Variants in CD9 observed in about 807,000 individuals in gnomAD.
The protein encoded by CD9 is CD9 molecule, also known as CD9 antigen.
CD9 carries 10 observed loss-of-function variants against 31.4 expected under a neutral mutation model. The observed-to-expected ratio is 0.32, with a 90% confidence interval of 0.20 to 0.54. The LOEUF is 0.54. Among genes scored for constraint, CD9 ranks in the 20% least tolerant of loss-of-function variants. The pLI, the probability that CD9 is intolerant of heterozygous loss-of-function variation, is 0.94. For synonymous variants in CD9, 113 were observed against 114.1 expected, an observed-to-expected ratio of 0.99 and a Z score of 0.06; for missense variants, 259 against 300.1, an observed-to-expected ratio of 0.86 and a Z score of 1.01.
chr12:6,210,933 T>G (rs1325106298), intron 1 of CD9, among the ~76,000 whole-genome samples: 1 of 149,752 alleles, frequency 6.7e-6, no homozygotes, highest in Non-Finnish European at 1.5e-5. Context: ...GCCTCCTGGG[T>G]TCAAGCGATT....
chr12:6,237,667 A>G (rs756690162), intron 7 of CD9, 96 bp from the exon 8 acceptor site: 2 of 880,058 alleles, frequency 2.3e-6, no homozygotes, highest in Admixed American at 2.1e-5. Context: ...TCTCCTTGTC[A>G]TTTTTCTTGG....
intron 1 of CD9, among the ~76,000 whole-genome samples, chr12:6,210,629 C>T (rs951066799): frequency 4.6e-5 from 7 of 151,936 alleles, no homozygotes; most frequent in South Asian, 2.1e-4. Flanking sequence ...CTTTAAAGAT[C>T]GAAAACACCA....
chr12:6,225,375 G>C (rs760124693), intron 1 of CD9, 51 bp from the exon 2 acceptor site: 24 of 1,231,736 alleles, frequency 1.9e-5, no homozygotes, highest in Non-Finnish European at 2.8e-5. Context: ...CGTGGGGACT[G>C]TGTTGTTGCT....
At chr12:6,228,669 T>A (rs1016385659) in intron 2 of CD9, among the ~76,000 whole-genome samples, 1 of 151,976 alleles carries the variant, frequency 6.6e-6, no homozygotes, top group African/African-American at 2.4e-5. Context: ...TTGTCGTCCA[T>A]GGGCAAAGGG....
At chr12:6,215,115 A>AATGCCCCACTCTCC (rs1946231711) in intron 1 of CD9, among the ~76,000 whole-genome samples, 1 of 152,064 alleles carries the variant, frequency 6.6e-6, no homozygotes, top group African/African-American at 2.4e-5. Flanking sequence ...TGAGCCCCCA[A>AATGCCCCACTCTCC]ATGCCCCACT....
intron 1 of CD9, among the ~76,000 whole-genome samples, chr12:6,213,330 C>T (rs958528196): frequency 1.3e-5 from 2 of 152,232 alleles, no homozygotes; most frequent in African/African-American, 4.8e-5. Flanking sequence ...TTCTCCCTCT[C>T]GAACACGAAT....
intron 1 of CD9, among the ~76,000 whole-genome samples, chr12:6,203,706 C>CA (rs547806224): frequency 5.4e-4 from 82 of 152,094 alleles, no homozygotes; most frequent in Non-Finnish European, 1.0e-3. Flanking sequence ...GCCCACCCCC[C>CA]AAAAAACAGT....
chr12:6,235,542 G>GTACTC lies in CD9; in HGVS notation c.515_519dup (p.Glu174TyrfsTer7). The GTACTC allele has an allele frequency of 6.2e-7, 1 of 1,613,414 alleles. No homozygotes were observed. Among genetic ancestry groups the GTACTC allele is most frequent in the Non-Finnish European group, 8.5e-7 (1 of 1,179,442 alleles). On this transcript the variant is annotated frameshift_variant, in exon 6 of 8. Coordinates refer to ENST00000009180, the MANE Select transcript of CD9 (RefSeq NM_001769.4). LOFTEE classifies it high-confidence loss of function. Reference sequence around the variant, plus strand: ...CTCAGACATCTGCCCCAAGAAGGACGTACTCGAAACCTTCACCGTGAAGGT... The same window carrying GTACTC: ...CTCAGACATCTGCCCCAAGAAGGACGTACTCTACTCGAAACCTTCACCGTGAAGGT...
intron 1 of CD9, among the ~76,000 whole-genome samples, chr12:6,208,176 A>G (rs1169491971): frequency 6.6e-6 from 1 of 151,560 alleles, no homozygotes; most frequent in Non-Finnish European, 1.5e-5. Flanking sequence ...GTGAGCTGAA[A>G]TCGTGCCATT....
At chr12:6,225,567 C>G in intron 2 of CD9, 33 bp downstream of exon 2, 1 of 1,386,520 alleles carries the variant, frequency 7.2e-7, no homozygotes, top group African/African-American at 1.4e-5. Flanking sequence ...TGAATTCAGA[C>G]CCTGGCTCCA....
chr12:6,215,427 C>T (rs542866333), intron 1 of CD9, among the ~76,000 whole-genome samples: 1 of 152,160 alleles, frequency 6.6e-6, no homozygotes. Flanking sequence ...AGAGTGCCGG[C>T]CCAGTCCCAC....
Position 6,237,772 on chromosome 12 carries a change from A to T in CD9, c.631A>T (p.Met211Leu), listed in dbSNP as rs957806306. The change falls in exon 8 of 8, where the codon ATG becomes TTG. Residue 211 changes from methionine (M) to leucine (L), a missense_variant. By Grantham distance (15) the Met-to-Leu change is conservative. Coordinates refer to ENST00000009180, the MANE Select transcript of CD9 (RefSeq NM_001769.4). The part of the protein sequence containing the change: ...IGIAVVMIFG[M>L]IFSMILCCAI... Reference sequence around the variant, plus strand: ...TCTTCCTATCTCCTAGATATTTGGCATGATCTTCAGTATGATCTTGTGCTG... The same window carrying T: ...TCTTCCTATCTCCTAGATATTTGGCTTGATCTTCAGTATGATCTTGTGCTG... 5.6e-6 allele frequency: 9 copies of T among 1,612,708 alleles called. No homozygotes were observed. Among genetic ancestry groups the T allele is most frequent in the Non-Finnish European group, 7.6e-6 (9 of 1,178,948 alleles).
At chr12:6,219,579 G>A (rs1035703496) in intron 1 of CD9, among the ~76,000 whole-genome samples, 38 of 151,428 alleles carry the variant, frequency 2.5e-4, no homozygotes, top group Non-Finnish European at 2.5e-4. Flanking sequence ...TCCGCCTCCC[G>A]GGTTCACTCC....
chr12:6,204,193 G>T (rs7974818), intron 1 of CD9, among the ~76,000 whole-genome samples: 5,352 of 152,074 alleles, frequency 0.035, 341 homozygotes, highest in African/African-American at 0.12. Flanking sequence ...GTCTCAAAAG[G>T]TCCTTTCAAG....
intron 6 of CD9, 187 bp downstream of exon 6, chr12:6,235,752 G>A (rs1406869793): frequency 4.3e-6 from 6 of 1,407,960 alleles, no homozygotes; most frequent in Non-Finnish European, 5.5e-6. Context: ...ATAAAACAAA[G>A]GCCGGACCAG....
intron 7 of CD9, chr12:6,236,701 C>T (rs992461829): frequency 5.1e-6 from 2 of 392,110 alleles, no homozygotes; most frequent in Admixed American, 4.1e-5. Context: ...AGGTCTCTCG[C>T]TAATCAGCCC....
intron 1 of CD9, among the ~76,000 whole-genome samples, chr12:6,209,461 A>T (rs572431698): frequency 8.5e-5 from 13 of 152,078 alleles, no homozygotes; most frequent in African/African-American, 2.9e-4. Flanking sequence ...TCCCACTAAG[A>T]CATATTCCTC....
intron 1 of CD9, among the ~76,000 whole-genome samples, chr12:6,219,555 G>A (rs565444079): frequency 9.3e-5 from 14 of 150,520 alleles, no homozygotes; most frequent in African/African-American, 2.4e-4. Context: ...GCGTGATCTC[G>A]GCTCACTGCA....
chr12:6,232,923 AT>A lies in CD9; in HGVS notation c.273+195del. 1.4e-6 allele frequency: 1 copy of A among 702,846 alleles called. No homozygotes were observed. Among genetic ancestry groups the A allele is most frequent in the Non-Finnish European group, 2.6e-6 (1 of 385,100 alleles). The allele number at this position is 702,846 out of a possible 1,614,324, so 43.5% of individuals were successfully genotyped here. ...CCTCTTCCTTTCTGGAGCCTGTCTT[AT>A]CGCTTCCCCTAGGCAACTAAAAGGA... is the stretch of plus-strand genomic sequence containing the variant. On this transcript the variant is annotated intron_variant, in intron 3 of 7. Coordinates refer to ENST00000009180, the MANE Select transcript of CD9 (RefSeq NM_001769.4). This position sits in a 1 kb window ranked among gnomAD's most constrained non-coding sequence, Gnocchi z 4.8.
Sources: gnomAD v4.1 joint callset for allele counts (sites outside exome capture counted in the v4.1 genomes callset) on GRCh38, gnomAD v4.1.1 for gene constraint, Gnocchi (gnomAD v3.1) non-coding constraint, MANE v1.5 for transcripts, NCBI Gene and HGNC (gene_info 2026-07-23, HGNC 2026-07-21) for gene names.